Variants in BLVRA observed in about 807,000 individuals in gnomAD.
BLVRA encodes the protein BVR A.
Under a neutral mutation model 32.8 loss-of-function variants are expected in BLVRA, and 22 were observed. The observed-to-expected ratio is 0.67, with a 90% CI of 0.48 to 0.96. The LOEUF (loss-of-function observed/expected upper bound fraction) is 0.96. Among genes scored for constraint, BLVRA ranks in the 40% least tolerant of loss-of-function variants. BLVRA has a pLI of 0.00. For missense variants in BLVRA, 323 were observed against 358.1 expected (o/e 0.90, Z 0.79); for synonymous variants, 119 against 141.3 (o/e 0.84, Z 1.12).
At chr7:43,777,963 G>A (rs947415604) in intron 2 of BLVRA, among the ~76,000 whole-genome samples, 26 of 152,026 alleles carry the variant, frequency 1.7e-4, no homozygotes, top group Admixed American at 1.3e-3. Flanking sequence ...CATTCTTCAC[G>A]TAGTTCTCGA....
At chr7:43,783,117 C>A (rs2095772132) in intron 2 of BLVRA, among the ~76,000 whole-genome samples, 1 of 151,964 alleles carries the variant, frequency 6.6e-6, no homozygotes, top group African/African-American at 2.4e-5. Context: ...ATATTTATGT[C>A]TGTTTTCAGT....
At chr7:43,800,632 C>A in intron 6 of BLVRA, 60 bp downstream of exon 6, 7 of 1,448,012 alleles carry the variant, frequency 4.8e-6, no homozygotes, top group Non-Finnish European at 6.8e-6. Flanking sequence ...CAGATTCTTT[C>A]CTGGCTCTCT....
chr7:43,792,253 T>A (rs1340761250), intron 4 of BLVRA, among the ~76,000 whole-genome samples: 1 of 152,192 alleles, frequency 6.6e-6, no homozygotes, highest in Non-Finnish European at 1.5e-5. Context: ...CTGCTCACAG[T>A]GAAATATACT....
intron 2 of BLVRA, among the ~76,000 whole-genome samples, chr7:43,772,204 C>T (rs1019141060): frequency 1.3e-5 from 2 of 152,250 alleles, no homozygotes; most frequent in African/African-American, 4.8e-5. Flanking sequence ...TCTCTCTGCT[C>T]TCCATCCAGC....
At chr7:43,781,612 T>TA (rs748616516) in intron 2 of BLVRA, among the ~76,000 whole-genome samples, 139 of 152,348 alleles carry the variant, frequency 9.1e-4, no homozygotes, top group Non-Finnish European at 1.6e-3. Flanking sequence ...GTGCTGGGAT[T>TA]ACAGGCATGA....
At chr7:43,788,607 A>G (rs2095781300) in intron 3 of BLVRA, among the ~76,000 whole-genome samples, 1 of 151,746 alleles carries the variant, frequency 6.6e-6, no homozygotes, top group Non-Finnish European at 1.5e-5. Flanking sequence ...CCTCACTTTT[A>G]TTATTATTAT....
rs1563533682 is a variant in BLVRA, at chr7:43,762,605, C to CTTTTTTTTTTTTTT, written c.-22+3871_-22+3872insTTTTTTTTTTTTTT. ...AGTGATTTCCATGAACCCAGTAGTT[C>CTTTTTTTTTTTTTT]CTTTTTTTTTTTTTTTTTTTTTTTA... On this transcript the variant is annotated intron_variant, in intron 1 of 7. Transcript: ENST00000265523. Among the ~76,000 whole-genome samples, 2 of 118,652 alleles carry CTTTTTTTTTTTTTT rather than the reference C, an allele frequency of 1.7e-5. 1 individual carries two copies. The highest frequency in any genetic ancestry group is 3.5e-5 in the Non-Finnish European group (2 of 56,728). The allele number at this position is 118,652 out of a possible 152,430, so 77.8% of individuals were successfully genotyped here.
chr7:43,767,300 C>T, intron 1 of BLVRA: 1 of 1,227,546 alleles, frequency 8.1e-7, no homozygotes, highest in Non-Finnish European at 1.2e-6. Flanking sequence ...GTGGAGCACC[C>T]AGATAAAGTG....
At chr7:43,771,287 C>A in intron 2 of BLVRA, 117 bp downstream of exon 2, 1 of 1,236,456 alleles carries the variant, frequency 8.1e-7, no homozygotes, top group East Asian at 2.3e-5. Flanking sequence ...AGAACATTTC[C>A]CCTCTAGCCT....
chr7:43,767,145 T>C, intron 1 of BLVRA: 1 of 483,938 alleles, frequency 2.1e-6, no homozygotes, highest in Non-Finnish European at 3.7e-6. Flanking sequence ...TTTGTTTTGC[T>C]TTCCCCAGAT....
At chr7:43,785,174 TA>T (rs1220446214) in intron 2 of BLVRA, among the ~76,000 whole-genome samples, 6 of 152,100 alleles carry the variant, frequency 3.9e-5, no homozygotes, top group African/African-American at 1.4e-4. Context: ...ACGGTAACCT[TA>T]AGAATGCCAT....
At chr7:43,794,845 G>A (rs2095789976) in intron 5 of BLVRA, among the ~76,000 whole-genome samples, 1 of 152,192 alleles carries the variant, frequency 6.6e-6, no homozygotes, top group South Asian at 2.1e-4. Context: ...AACATTAATA[G>A]CAAAATGGGG....
intron 5 of BLVRA, among the ~76,000 whole-genome samples, chr7:43,799,449 T>A (rs911337710): frequency 2.0e-5 from 3 of 152,124 alleles, no homozygotes; most frequent in African/African-American, 7.2e-5. Context: ...AGCAAAAAAA[T>A]TGTTAACAGC....
intron 6 of BLVRA, among the ~76,000 whole-genome samples, chr7:43,801,392 T>G (rs1225585506): frequency 6.6e-6 from 1 of 152,200 alleles, no homozygotes; most frequent in African/African-American, 2.4e-5. Context: ...TGCAGGAAGC[T>G]CCTGCTCTTG....
upstream of BLVRA, among the ~76,000 whole-genome samples, chr7:43,758,331 G>GCC (rs749228226): frequency 9.1e-6 from 1 of 110,400 alleles, no homozygotes; most frequent in East Asian, 2.0e-4. Flanking sequence ...CCCCGGGCCT[G>GCC]CCCCCCCCAC....
At chr7:43,796,322 C>A (rs2095792862) in intron 5 of BLVRA, among the ~76,000 whole-genome samples, 1 of 151,974 alleles carries the variant, frequency 6.6e-6, no homozygotes, top group African/African-American at 2.4e-5. Flanking sequence ...TAGCATATAA[C>A]CTACTAAGAC....
intron 6 of BLVRA, among the ~76,000 whole-genome samples, chr7:43,802,931 G>A (rs976634595): frequency 1.3e-5 from 2 of 151,962 alleles, no homozygotes; most frequent in East Asian, 1.9e-4. Flanking sequence ...TACTAGAGAC[G>A]GGGTTTTGCC....
chr7:43,806,909 G>A, intron 7 of BLVRA, 68 bp from the exon 8 acceptor site: 3 of 1,594,582 alleles, frequency 1.9e-6, no homozygotes, highest in Admixed American at 3.3e-5. Flanking sequence ...GCGGTCTGGT[G>A]CCAGCAAGCA....
At position 43,768,783 on chromosome 7, in the gene BLVRA, CAGGTAG is replaced by C. The variant is rs1223947088; in HGVS notation, c.-21-2354_-21-2349del. On this transcript the variant is annotated intron_variant, in intron 1 of 7. Coordinates refer to ENST00000265523, the MANE Select transcript of BLVRA (RefSeq NM_000712.4). ...GGGGAGGGCATCTCTGTGGGGCCTC[CAGGTAG>C]CCAGGGGAGGGCGAGCAGAGTGTGC... Among the ~76,000 whole-genome samples the C allele has an allele frequency of 4.6e-5, 7 of 152,170 alleles. No homozygotes were observed. The East Asian group carries it at 7.8e-4, about 17-fold the overall frequency.
Sources: allele counts gnomAD v4.1 joint callset (sites outside exome capture counted in the v4.1 genomes callset), GRCh38; gene constraint gnomAD v4.1.1; transcripts MANE v1.5; gene names NCBI Gene and HGNC (gene_info 2026-07-23, HGNC 2026-07-21).